Variants in TMEM108 observed in about 807,000 individuals in gnomAD.
TMEM108 encodes the protein transmembrane protein 108.
TMEM108 carries 12 observed loss-of-function variants against 35.1 expected under a neutral mutation model. That is an observed-to-expected ratio of 0.34 (90% confidence interval 0.22 to 0.55). The LOEUF is 0.55. TMEM108 is among the 20% of genes least tolerant of loss of function. TMEM108 has a pLI of 0.89. For missense variants in TMEM108, 680 were observed against 753.3 expected (o/e 0.90, Z 1.14); for synonymous variants, 287 against 308.6 (o/e 0.93, Z 0.73).
chr3:133,052,489 A>AATTTT (rs1943416957), intron 2 of TMEM108, among the ~76,000 whole-genome samples: 1 of 150,186 alleles, frequency 6.7e-6, no homozygotes, highest in Admixed American at 6.6e-5. Flanking sequence ...AATTTAATTT[A>AATTTT]ATTTTATTTT....
intron 3 of TMEM108, among the ~76,000 whole-genome samples, chr3:133,299,477 G>A (rs143226396): frequency 2.6e-5 from 4 of 152,216 alleles, no homozygotes; most frequent in African/African-American, 4.8e-5. Flanking sequence ...AGCCGTGTTT[G>A]CATGGCAAGC....
chr3:133,192,242 C>T (rs183358100), intron 2 of TMEM108, among the ~76,000 whole-genome samples: 9 of 152,136 alleles, frequency 5.9e-5, no homozygotes, highest in East Asian at 5.8e-4. Flanking sequence ...AGTCCATTAC[C>T]GAAATATAAA....
chr3:133,248,299 A>G (rs1304890620), intron 3 of TMEM108: 3 of 152,164 alleles, frequency 2.0e-5, no homozygotes, highest in Non-Finnish European at 4.4e-5. Flanking sequence ...ATGTTACTAT[A>G]AAGAAAATAC....
At chr3:133,344,612 T>G (rs2071760649) in intron 3 of TMEM108, among the ~76,000 whole-genome samples, 1 of 151,760 alleles carries the variant, frequency 6.6e-6, no homozygotes, top group South Asian at 2.1e-4. Flanking sequence ...GAAAATGGAA[T>G]ATAATTAGAA....
chr3:133,334,066 T>C (rs967133398), intron 3 of TMEM108, among the ~76,000 whole-genome samples: 3 of 152,028 alleles, frequency 2.0e-5, no homozygotes, highest in Non-Finnish European at 4.4e-5. Flanking sequence ...ATTTTGCAGG[T>C]CCAAAGAAAT....
At chr3:133,047,058 T>C (rs147108226) in intron 2 of TMEM108, among the ~76,000 whole-genome samples, 106 of 152,294 alleles carry the variant, frequency 7.0e-4, no homozygotes, top group African/African-American at 2.5e-3. Flanking sequence ...TCTCTGGAGA[T>C]TCCAATAAAT....
At chr3:133,210,465 C>T (rs960932296) in intron 2 of TMEM108, among the ~76,000 whole-genome samples, 3 of 152,148 alleles carry the variant, frequency 2.0e-5, no homozygotes, top group African/African-American at 7.2e-5. Flanking sequence ...TTCTCCATCC[C>T]ATAACCTGGG....
chr3:133,154,826 C>T (rs569567058), intron 2 of TMEM108, among the ~76,000 whole-genome samples: 33 of 151,958 alleles, frequency 2.2e-4, no homozygotes, highest in African/African-American at 6.5e-4. Context: ...CAAACCTGCA[C>T]GTTGTGTACA....
chr3:133,136,861 G>A (rs1421158860), intron 2 of TMEM108, among the ~76,000 whole-genome samples: 1 of 152,188 alleles, frequency 6.6e-6, no homozygotes, highest in Non-Finnish European at 1.5e-5. Context: ...GTGGTTGGTG[G>A]TGGCTGATCC....
intron 3 of TMEM108, among the ~76,000 whole-genome samples, chr3:133,233,037 T>C (rs1371226477): frequency 2.0e-5 from 3 of 152,012 alleles, no homozygotes; most frequent in African/African-American, 4.8e-5. Flanking sequence ...TTTTTTTTTT[T>C]TTTAATTTTA....
At chr3:133,295,002 G>C (rs1325240269) in intron 3 of TMEM108, among the ~76,000 whole-genome samples, 1 of 152,110 alleles carries the variant, frequency 6.6e-6, no homozygotes, top group Non-Finnish European at 1.5e-5. Flanking sequence ...TCAAGTAAAC[G>C]GAAGTCTTTC....
chr3:133,056,237 T>C (rs1026680549), intron 2 of TMEM108, among the ~76,000 whole-genome samples: 1 of 145,944 alleles, frequency 6.9e-6, no homozygotes, highest in African/African-American at 2.6e-5. Context: ...TTCTACTCTT[T>C]CTATGCGCAA....
At chr3:133,126,140 C>A (rs921368767) in intron 2 of TMEM108, among the ~76,000 whole-genome samples, 2 of 152,026 alleles carry the variant, frequency 1.3e-5, no homozygotes, top group African/African-American at 4.8e-5. Flanking sequence ...CAAAGAAGCC[C>A]AAGTATATAC....
At chr3:133,394,376 A>C (rs1211146458) in intron 5 of TMEM108, among the ~76,000 whole-genome samples, 4 of 152,154 alleles carry the variant, frequency 2.6e-5, no homozygotes, top group Admixed American at 2.6e-4. Context: ...GATGCCCAAC[A>C]AGTGCTTGGA....
chr3:133,058,680 G>A (rs1237630571), intron 2 of TMEM108, among the ~76,000 whole-genome samples: 2 of 152,202 alleles, frequency 1.3e-5, no homozygotes, highest in African/African-American at 2.4e-5. Context: ...TTCTGTTCCA[G>A]GCCTCCATGT....
intron 2 of TMEM108, among the ~76,000 whole-genome samples, chr3:133,058,806 C>T (rs1165416383): frequency 2.6e-5 from 4 of 152,232 alleles, no homozygotes; most frequent in African/African-American, 7.2e-5. Flanking sequence ...GGCATGGATC[C>T]TGCCATGTGC....
intron 3 of TMEM108, among the ~76,000 whole-genome samples, chr3:133,268,691 AG>A (rs1946731229): frequency 6.6e-6 from 1 of 152,200 alleles, no homozygotes; most frequent in African/African-American, 2.4e-5. Flanking sequence ...TTGCCAGCAG[AG>A]GAAACCTACT....
chr3:133,158,007 C>T (rs116649496), intron 2 of TMEM108, among the ~76,000 whole-genome samples: 99 of 152,292 alleles, frequency 6.5e-4, no homozygotes, highest in African/African-American at 2.3e-3. Context: ...GCCTGCATTG[C>T]CATATGCCAG....
chr3:133,144,122 AG>A (rs1307884081), intron 2 of TMEM108, among the ~76,000 whole-genome samples: 7 of 151,780 alleles, frequency 4.6e-5, no homozygotes, highest in Non-Finnish European at 1.0e-4. Flanking sequence ...TCTCTCCCCT[AG>A]CCGCCCACAC....
Sources: allele counts gnomAD v4.1 joint callset (sites outside exome capture counted in the v4.1 genomes callset), GRCh38; gene constraint gnomAD v4.1.1; transcripts MANE v1.5; gene names NCBI Gene and HGNC (gene_info 2026-07-23, HGNC 2026-07-21).